The following PDE3B variants were observed in gnomAD, a reference collection of about 807,000 sequenced individuals.
PDE3B encodes the protein cGMP-inhibited 3',5'-cyclic phosphodiesterase 3B.
PDE3B carries 66 observed loss-of-function variants against 116.8 expected under a neutral mutation model. The observed-to-expected ratio is 0.56, with a 90% CI of 0.46 to 0.69. The LOEUF (loss-of-function observed/expected upper bound fraction) is 0.69. Among genes scored for constraint, PDE3B ranks in the 30% least tolerant of loss-of-function variants. The pLI is 0.00. For synonymous variants in PDE3B, 595 were observed against 533.6 expected (o/e 1.12, Z -1.59); for missense variants, 1,384 against 1,368.1 (o/e 1.01, Z -0.18).
At chr11:14,889,487 A>G in the PDE3B span, among the ~76,000 whole-genome samples, 1 of 152,166 alleles carries the variant, frequency 6.6e-6, no homozygotes, top group African/African-American at 2.4e-5. Flanking sequence ...GAGGCAAACA[A>G]TGTCTACTCT....
chr11:14,648,975 C>A (rs1590028619), intron 1 of PDE3B, among the ~76,000 whole-genome samples: 1 of 152,124 alleles, frequency 6.6e-6, no homozygotes, highest in East Asian at 1.9e-4. Context: ...AAGCTGAGAA[C>A]AAATTATAGC....
intron 12 of PDE3B, among the ~76,000 whole-genome samples, chr11:14,854,115 T>C (rs1847805660): frequency 1.3e-5 from 2 of 152,104 alleles, no homozygotes; most frequent in South Asian, 2.1e-4. Context: ...TTCTGGAAAA[T>C]GAAAAATGGA....
At chr11:14,836,480 C>T (rs1450094723) in intron 11 of PDE3B, among the ~76,000 whole-genome samples, 2 of 152,074 alleles carry the variant, frequency 1.3e-5, no homozygotes, top group African/African-American at 2.4e-5. Flanking sequence ...TGGTTTCTAT[C>T]ATGCTCTTCA....
rs537293220 is a variant in PDE3B at position 14,825,992 on chromosome 11, A to C, written c.1808-4706A>C. Among the ~76,000 whole-genome samples, 136 of 152,352 alleles carry C rather than the reference A, an allele frequency of 8.9e-4. 3 individuals carry two copies. The South Asian group carries it at 0.027, about 31-fold the overall frequency. ...CACTCAAAACCATGCAATTACATGGAAAGTAAACAACTGGCTCCTGAATGA... is the reference window on the plus strand; with the variant it reads ...CACTCAAAACCATGCAATTACATGGCAAGTAAACAACTGGCTCCTGAATGA... On this transcript the variant is annotated intron_variant, in intron 7 of 15. Coordinates refer to ENST00000282096, the MANE Select transcript of PDE3B (RefSeq NM_000922.4).
rs538580747 is a variant in PDE3B at position 14,707,474 on chromosome 11, A to G, written c.978+62421A>G. 8.5e-4 allele frequency among the ~76,000 whole-genome samples: 129 copies of G among 152,108 alleles called. 1 individual carries two copies. The highest frequency in any genetic ancestry group is 3.4e-3 in the Middle Eastern group (1 of 294). ...AGCTTGATGCCGTAAGCAAAGAGAA[A>G]TATGGAAAATAAGTGGTTGGTATTA... On this transcript the variant is annotated intron_variant, in intron 1 of 15. Transcript: ENST00000282096.
intron 1 of PDE3B, among the ~76,000 whole-genome samples, chr11:14,708,758 A>C (rs1013038152): frequency 2.6e-5 from 4 of 152,040 alleles, no homozygotes; most frequent in Non-Finnish European, 4.4e-5. Flanking sequence ...ACTCTAAAAA[A>C]GTTCAGGGGT....
rs778904186 is a variant in PDE3B, at chr11:14,644,936, T to G, written c.861T>G (p.Pro287=). Residue 287 remains proline, a synonymous_variant, in exon 1 of 16, where the codon CCT becomes CCG. Coordinates refer to ENST00000282096, the MANE Select transcript of PDE3B (RefSeq NM_000922.4). ...RLSSAAEEKV[P]VIRPRRRSSC... is the part of the protein sequence containing the mutation. ...CCAGTGCCGCCGAAGAAAAAGTGCCTGTGATCCGACCCCGGAGGAGGTCCA... is the reference window on the plus strand; with the variant it reads ...CCAGTGCCGCCGAAGAAAAAGTGCCGGTGATCCGACCCCGGAGGAGGTCCA... 2 of 1,614,078 alleles carry G rather than the reference T, an allele frequency of 1.2e-6. No individual in the cohort carries two copies. Among genetic ancestry groups the G allele is most frequent in the Admixed American group, 1.7e-5 (1 of 60,012 alleles).
At chr11:14,846,179 A>T (rs1448444032) in intron 12 of PDE3B, among the ~76,000 whole-genome samples, 1 of 152,214 alleles carries the variant, frequency 6.6e-6, no homozygotes, top group Non-Finnish European at 1.5e-5. Context: ...AGTGGGGGCC[A>T]ATATTCAACA....
At chr11:14,760,738 A>G (rs1327805753) in intron 1 of PDE3B, among the ~76,000 whole-genome samples, 1 of 152,198 alleles carries the variant, frequency 6.6e-6, no homozygotes, top group Non-Finnish European at 1.5e-5. Flanking sequence ...ACCCCACAAA[A>G]GTAACCACTG....
intron 7 of PDE3B, among the ~76,000 whole-genome samples, chr11:14,823,607 G>C (rs1859588210): frequency 6.6e-6 from 1 of 152,046 alleles, no homozygotes. Context: ...AGCCATCTCT[G>C]CTGGTGTTTT....
At chr11:14,666,262 C>G (rs1854143795) in intron 1 of PDE3B, among the ~76,000 whole-genome samples, 1 of 147,984 alleles carries the variant, frequency 6.8e-6, no homozygotes, top group Admixed American at 6.7e-5. Flanking sequence ...CCCTTCCTTA[C>G]ACCTTATACA....
At position 14,644,729 on chromosome 11, in the gene PDE3B, C is replaced by A. The variant is rs757989784; in HGVS notation, c.654C>A (p.His218Gln). The A allele has an allele frequency of 2.6e-6, 4 of 1,563,026 alleles. No individual in the cohort carries two copies. The highest frequency in any genetic ancestry group is 2.3e-5 in the South Asian group (2 of 86,128). The change falls in exon 1 of 16, where the codon CAC becomes CAA. Residue 218 changes from histidine to glutamine, a missense_variant. Transcript: ENST00000282096. ...TCGCGCACCCGCTGCGGCTCCGGCA[C>A]TGCGTTCTGGTGCTGCTCCTGGCCA... The part of the protein sequence containing the change: ...LTLAHPLRLR[H>Q]CVLVLLLASF...
intron 1 of PDE3B, among the ~76,000 whole-genome samples, chr11:14,709,743 C>A (rs1354909943): frequency 6.6e-6 from 1 of 152,126 alleles, no homozygotes; most frequent in Non-Finnish European, 1.5e-5. Context: ...TTCCCCTTTA[C>A]TCTTATACGT....
the PDE3B span, among the ~76,000 whole-genome samples, chr11:14,883,087 T>C: frequency 2.6e-5 from 4 of 152,022 alleles, no homozygotes; most frequent in South Asian, 8.3e-4. Context: ...GGAATCAATA[T>C]CATGAAAATG....
chr11:14,690,860 AAAGAAAGTGGCAGTAGAGTCC>A (rs1409674206), intron 1 of PDE3B, among the ~76,000 whole-genome samples: 1 of 152,158 alleles, frequency 6.6e-6, no homozygotes, highest in Non-Finnish European at 1.5e-5. Flanking sequence ...TGTACTTTTT[AAAGAAAGTGGCAGTAGAGTCC>A]AAGAACAGTA....
chr11:14,817,135 C>T (rs534834604), intron 5 of PDE3B, among the ~76,000 whole-genome samples: 2 of 152,244 alleles, frequency 1.3e-5, no homozygotes, highest in South Asian at 2.1e-4. Context: ...ATGTCCTTTG[C>T]AGGGACATGG....
At chr11:14,743,680 C>T (rs1856826949) in intron 1 of PDE3B, among the ~76,000 whole-genome samples, 1 of 152,212 alleles carries the variant, frequency 6.6e-6, no homozygotes, top group African/African-American at 2.4e-5. Flanking sequence ...AAACCCAGGA[C>T]CCTGGTGGCG....
At chr11:14,754,651 T>G (rs1409901386) in intron 1 of PDE3B, among the ~76,000 whole-genome samples, 3 of 152,150 alleles carry the variant, frequency 2.0e-5, no homozygotes, top group African/African-American at 7.2e-5. Flanking sequence ...GTGCCTTTAG[T>G]CCCAGCTACT....
intron 3 of PDE3B, 150 bp downstream of exon 3, chr11:14,786,835 G>T: frequency 1.6e-6 from 1 of 615,754 alleles, no homozygotes; most frequent in Non-Finnish European, 2.8e-6. Flanking sequence ...GCAATTATAA[G>T]CTCAAATAAT....
Sources: gnomAD v4.1 joint callset for allele counts (sites outside exome capture counted in the v4.1 genomes callset) on GRCh38, gnomAD v4.1.1 for gene constraint, MANE v1.5 for transcripts, NCBI Gene and HGNC (gene_info 2026-07-23, HGNC 2026-07-21) for gene names.